The following WBP4 variants were observed in gnomAD, a reference collection of about 807,000 sequenced individuals.
The protein encoded by WBP4 is WW domain-binding protein 4.
A neutral mutation model predicts 55.4 loss-of-function variants in WBP4; 37 were observed. The ratio of observed to expected loss-of-function variants is 0.67; its 90% CI spans 0.51 to 0.88. The LOEUF is 0.88. Ranked by LOEUF, WBP4 falls within the 40% of genes least tolerant of loss-of-function variation. WBP4 has a pLI of 0.00. For missense variants in WBP4, 398 were observed against 420.8 expected (o/e 0.95, Z 0.47); for synonymous variants, 142 against 140.2 (o/e 1.01, Z -0.09).
intron 2 of WBP4, among the ~76,000 whole-genome samples, chr13:41,064,193 T>C (rs1877838931): frequency 6.6e-6 from 1 of 152,080 alleles, no homozygotes; most frequent in African/African-American, 2.4e-5. Flanking sequence ...TTTTAAAAAA[T>C]TTAACAGTAT....
chr13:41,065,340 G>T, intron 4 of WBP4, 53 bp downstream of exon 4: 1 of 1,512,756 alleles, frequency 6.6e-7, no homozygotes. Flanking sequence ...AGTAACATCA[G>T]AGGTCAAGCT....
intron 4 of WBP4, 145 bp downstream of exon 4, chr13:41,065,432 T>G (rs1222494856): frequency 1.8e-5 from 21 of 1,196,890 alleles, no homozygotes; most frequent in Non-Finnish European, 2.1e-5. Context: ...TAGCCCTGTT[T>G]AGACTATGGA....
intron 4 of WBP4, among the ~76,000 whole-genome samples, chr13:41,067,214 A>C (rs529198607): frequency 6.6e-6 from 1 of 152,102 alleles, no homozygotes; most frequent in East Asian, 1.9e-4. Flanking sequence ...TGGGCTTCCC[A>C]AAGTGCTGGG....
At chr13:41,074,840 C>T (rs758105621) in intron 7 of WBP4, among the ~76,000 whole-genome samples, 22 of 152,124 alleles carry the variant, frequency 1.4e-4, no homozygotes, top group Non-Finnish European at 2.8e-4. Flanking sequence ...ACTAAAAATA[C>T]AAAACCTAGC....
Position 41,065,274 on chromosome 13 carries a change from T to G in WBP4, c.249T>G (p.Leu83=), listed in dbSNP as rs144900875. ...LKAYQEDLKR[L]GLESEILEPS... ...CATACCAAGAGGATTTGAAAAGACTTGGCTTAGAGTCAGGTAAAAAAAAAA... is the reference window on the plus strand; with the variant it reads ...CATACCAAGAGGATTTGAAAAGACTGGGCTTAGAGTCAGGTAAAAAAAAAA... The change falls in exon 4 of 10, where the codon CTT becomes CTG. Residue 83 remains leucine (L), a synonymous_variant. Coordinates refer to ENST00000379487, the MANE Select transcript of WBP4 (RefSeq NM_007187.5). The G allele has an allele frequency of 1.2e-5, 18 of 1,555,314 alleles. No homozygotes were observed. In the African/African-American group the frequency reaches 2.6e-4, roughly 22 times the overall value.
chr13:41,065,103 A>T (rs1364575085), intron 3 of WBP4, 25 bp downstream of exon 3: 1 of 1,599,756 alleles, frequency 6.3e-7, no homozygotes, highest in Non-Finnish European at 8.5e-7. Context: ...TTATTTGCTA[A>T]TTTTTCTATG....
chr13:41,062,580 G>A, intron 1 of WBP4, 64 bp from the exon 2 acceptor site: 9 of 1,458,268 alleles, frequency 6.2e-6, no homozygotes, highest in South Asian at 2.4e-5. Flanking sequence ...AAACTGTAAA[G>A]CATGCAGAAT....
At chr13:41,082,656 G>A (rs376650069) in intron 9 of WBP4, 48 bp from the exon 10 acceptor site, 38 of 1,574,348 alleles carry the variant, frequency 2.4e-5, no homozygotes, top group South Asian at 2.1e-4. Context: ...ATATGAAAAC[G>A]TTTGTCTTAC....
intron 8 of WBP4, among the ~76,000 whole-genome samples, chr13:41,078,000 C>T (rs1207643098): frequency 6.6e-6 from 1 of 152,006 alleles, no homozygotes; most frequent in East Asian, 1.9e-4. Flanking sequence ...AGATGATACA[C>T]ACAAATGAAA....
intron 6 of WBP4, 50 bp downstream of exon 6, chr13:41,071,623 C>A: frequency 6.6e-7 from 1 of 1,513,696 alleles, no homozygotes; most frequent in South Asian, 1.2e-5. Context: ...TACAGTGATT[C>A]GTTTCTTAGG....
chr13:41,080,880 A>G (rs1878745639), intron 9 of WBP4, 71 bp downstream of exon 9: 2 of 1,455,512 alleles, frequency 1.4e-6, no homozygotes, highest in Non-Finnish European at 9.4e-7. Flanking sequence ...CCTAAATTGC[A>G]GTAAGTAATT....
rs1218739387 is a variant in WBP4, at chr13:41,083,081, G to T, written c.*167G>T. 5 of 741,030 alleles carry T rather than the reference G, an allele frequency of 6.7e-6. No homozygotes were observed. Among genetic ancestry groups the T allele is most frequent in the Admixed American group, 3.0e-5 (1 of 32,956 alleles). The allele number at this position is 741,030 out of a possible 1,614,324, so 45.9% of individuals were successfully genotyped here. A position where few individuals can be genotyped will look rare whatever the true frequency, so the allele number is the denominator to read the frequency against. On this transcript the variant is annotated 3_prime_UTR_variant, in exon 10 of 10. Transcript: ENST00000379487. ...ATTTTTTCATGTGAAATTTATTTTG[G>T]TTCCTAAAATGGAAGCCTACCACAT...
Position 41,067,556 on chromosome 13 carries a change from C to T in WBP4, c.263-1005C>T, listed in dbSNP as rs947782493. Among the ~76,000 whole-genome samples, 3 of 151,966 alleles carry T rather than the reference C, an allele frequency of 2.0e-5. 1 individual carries two copies. Among genetic ancestry groups the T allele is most frequent in the East Asian group, 3.9e-4 (2 of 5,182 alleles). ...AAAAAATTAACTGGGCTTGGTGGTGCGCACCTGTAGTCCCAGCTACTTGGG... is the reference window on the plus strand; with the variant it reads ...AAAAAATTAACTGGGCTTGGTGGTGTGCACCTGTAGTCCCAGCTACTTGGG... On this transcript the variant is annotated intron_variant, in intron 4 of 9. Coordinates refer to ENST00000379487, the MANE Select transcript of WBP4 (RefSeq NM_007187.5).
intron 8 of WBP4, among the ~76,000 whole-genome samples, chr13:41,079,541 C>CA (rs35433682): frequency 0.015 from 1,520 of 101,606 alleles, 35 homozygotes; most frequent in African/African-American, 0.042. Context: ...GACTCCGTCT[C>CA]AAAAAAAAAA....
intron 8 of WBP4, among the ~76,000 whole-genome samples, chr13:41,079,429 C>T (rs903927980): frequency 9.3e-5 from 14 of 151,252 alleles, no homozygotes; most frequent in African/African-American, 1.7e-4. Context: ...AGAAATTAGC[C>T]GAGCATGGTG....
At chr13:41,080,549 TTATAAATC>T (rs1878723103) in intron 8 of WBP4, 89 bp from the exon 9 acceptor site, 1 of 920,472 alleles carries the variant, frequency 1.1e-6, no homozygotes, top group African/African-American at 1.7e-5. Context: ...GAATTATTGT[TTATAAATC>T]TATAACAATA....
chr13:41,075,985 A>G (rs1177526095), intron 7 of WBP4, 59 bp from the exon 8 acceptor site: 1 of 1,519,912 alleles, frequency 6.6e-7, no homozygotes, highest in African/African-American at 1.4e-5. Context: ...TGTTATGTTG[A>G]AATTACATCT....
intron 5 of WBP4, among the ~76,000 whole-genome samples, chr13:41,070,820 A>C (rs17532413): frequency 0.033 from 5,098 of 152,252 alleles, 92 homozygotes; most frequent in Middle Eastern, 0.054. Flanking sequence ...GAAGGTAGGA[A>C]ATAAGATCAG....
chr13:41,062,170 C>T, intron 1 of WBP4: 1 of 971,094 alleles, frequency 1.0e-6, no homozygotes, highest in Non-Finnish European at 1.2e-6. Context: ...TCTCTCTTGC[C>T]TTGAGGCTCA....
Sources: allele counts gnomAD v4.1 joint callset (sites outside exome capture counted in the v4.1 genomes callset), GRCh38; gene constraint gnomAD v4.1.1; transcripts MANE v1.5; gene names NCBI Gene and HGNC (gene_info 2026-07-23, HGNC 2026-07-21).